Variants in PDS5A observed in about 807,000 individuals in gnomAD.
PDS5A encodes sister chromatid cohesion protein PDS5 homolog A.
Under a neutral mutation model 167.1 loss-of-function variants are expected in PDS5A, and 42 were observed. The observed-to-expected ratio is 0.25, with a 90% CI of 0.20 to 0.33. The LOEUF (loss-of-function observed/expected upper bound fraction) is 0.33, where lower values mean the gene tolerates loss of function less well. PDS5A is among the 10% of genes least tolerant of loss of function. PDS5A has a pLI of 1.00. For synonymous variants in PDS5A, 553 were observed against 554.6 expected (o/e 1.00, Z 0.04); for missense variants, 1,033 against 1,605.9 (o/e 0.64, Z 6.10).
chr4:39,898,312 A>G, intron 16 of PDS5A, 77 bp downstream of exon 16: 1 of 1,439,926 alleles, frequency 6.9e-7, no homozygotes, highest in Non-Finnish European at 9.2e-7. Context: ...AAATCACTGT[A>G]TGTAAAACAG....
chr4:39,826,459 A>G (rs1328334738), intron 32 of PDS5A, among the ~76,000 whole-genome samples: 1 of 111,414 alleles, frequency 9.0e-6, no homozygotes, highest in African/African-American at 3.1e-5. Context: ...CAACTTGCCT[A>G]ATTCATTCCA....
chr4:39,852,226 C>T (rs530359746), intron 26 of PDS5A, among the ~76,000 whole-genome samples: 2 of 151,924 alleles, frequency 1.3e-5, no homozygotes, highest in South Asian at 2.1e-4. Context: ...AAACAGGATA[C>T]AAAACAATAC....
At chr4:39,923,077 C>T (rs1233036690) in intron 5 of PDS5A, among the ~76,000 whole-genome samples, 1 of 151,636 alleles carries the variant, frequency 6.6e-6, no homozygotes, top group Non-Finnish European at 1.5e-5. Flanking sequence ...ACCTGTAATC[C>T]CAGCACTTTG....
intron 26 of PDS5A, among the ~76,000 whole-genome samples, chr4:39,854,180 G>C (rs536437663): frequency 3.9e-5 from 6 of 152,170 alleles, no homozygotes; most frequent in Non-Finnish European, 8.8e-5. Context: ...GTGCATGCCT[G>C]TAGTCCCAGC....
chr4:39,875,750 T>C (rs1720409128), intron 19 of PDS5A, among the ~76,000 whole-genome samples: 1 of 152,178 alleles, frequency 6.6e-6, no homozygotes, highest in Non-Finnish European at 1.5e-5. Context: ...GAAGATGTCT[T>C]TCCTCTCTCC....
chr4:39,854,247 G>C (rs896223821), intron 26 of PDS5A, among the ~76,000 whole-genome samples: 1 of 152,164 alleles, frequency 6.6e-6, no homozygotes, highest in African/African-American at 2.4e-5. Context: ...AGGTTGCAAT[G>C]AGCCAAGATC....
At chr4:39,913,429 A>T (rs1283635780) in intron 9 of PDS5A, among the ~76,000 whole-genome samples, 182 bp downstream of exon 9, 1 of 152,208 alleles carries the variant, frequency 6.6e-6, no homozygotes, top group Non-Finnish European at 1.5e-5. Context: ...CAGATAAAAT[A>T]CTAAGCTTTC....
At chr4:39,843,718 A>G (rs1279721736) in intron 30 of PDS5A, among the ~76,000 whole-genome samples, 1 of 151,910 alleles carries the variant, frequency 6.6e-6, no homozygotes, top group African/African-American at 2.4e-5. Flanking sequence ...AAATATTAAA[A>G]ATAAGTATTT....
At chr4:39,853,971 G>T (rs139075479) in intron 26 of PDS5A, among the ~76,000 whole-genome samples, 4 of 152,318 alleles carry the variant, frequency 2.6e-5, no homozygotes, top group Middle Eastern at 3.4e-3. Context: ...CGTATTAGCT[G>T]TGTGACTTTA....
chr4:39,843,587 C>T (rs1237337449), intron 30 of PDS5A, among the ~76,000 whole-genome samples: 1 of 151,988 alleles, frequency 6.6e-6, no homozygotes, highest in African/African-American at 2.4e-5. Context: ...TGGCGTGTGC[C>T]TGTAAGCTCA....
At chr4:39,933,449 A>G (rs556761461) in intron 2 of PDS5A, 1 of 152,302 alleles carries the variant, frequency 6.6e-6, no homozygotes, top group East Asian at 1.9e-4. Context: ...AAAATAAAAT[A>G]AAAGTTAAAG....
intron 2 of PDS5A, among the ~76,000 whole-genome samples, chr4:39,972,015 C>T (rs1350641711): frequency 6.6e-6 from 1 of 152,034 alleles, no homozygotes; most frequent in African/African-American, 2.4e-5. Flanking sequence ...TTTCAGAAAA[C>T]ATTTTGGCAG....
At chr4:39,965,758 A>C (rs1277575211) in intron 2 of PDS5A, among the ~76,000 whole-genome samples, 1 of 152,154 alleles carries the variant, frequency 6.6e-6, no homozygotes, top group Non-Finnish European at 1.5e-5. Context: ...CAAAAAGCAG[A>C]ATGGTTGTTG....
At position 39,890,381 on chromosome 4, in the gene PDS5A, G is replaced by A. The variant is rs765294850; in HGVS notation, c.1771-17C>T. 4.5e-6 allele frequency: 6 copies of A among 1,345,038 alleles called. No homozygotes were observed. Among genetic ancestry groups the A allele is most frequent in the Non-Finnish European group, 4.1e-6 (4 of 965,358 alleles). The allele number at this position is 1,345,038 out of a possible 1,614,324, so 83.3% of individuals were successfully genotyped here. On this transcript the variant is annotated splice_polypyrimidine_tract_variant and intron_variant, in intron 16 of 32. Coordinates refer to ENST00000303538, the MANE Select transcript of PDS5A (RefSeq NM_001100399.2). Reference sequence around the variant, plus strand: ...TATTTCTCTCTATAGAAAGAAAGGAGTTTTACCAAAAACGTGATTTGCTTT... The same window carrying A: ...TATTTCTCTCTATAGAAAGAAAGGAATTTTACCAAAAACGTGATTTGCTTT...
At chr4:39,911,389 C>T (rs1290182979) in intron 9 of PDS5A, among the ~76,000 whole-genome samples, 1 of 133,914 alleles carries the variant, frequency 7.5e-6, no homozygotes, top group African/African-American at 2.5e-5. Flanking sequence ...AAGTAAGACT[C>T]CGTCTCAAAA....
At chr4:39,874,496 A>C in intron 19 of PDS5A, 84 bp from the exon 20 acceptor site, 2 of 1,080,286 alleles carry the variant, frequency 1.9e-6, no homozygotes, top group Non-Finnish European at 2.8e-6. Flanking sequence ...CTTCCCCTAT[A>C]TGGATGGATG....
chr4:39,848,391 C>T (rs1309565888), intron 28 of PDS5A: 3 of 158,586 alleles, frequency 1.9e-5, no homozygotes, highest in East Asian at 3.8e-4. Flanking sequence ...ATTAATAACA[C>T]CATTTATTGA....
At chr4:39,966,948 A>AT (rs200337731) in intron 2 of PDS5A, among the ~76,000 whole-genome samples, 3,734 of 151,740 alleles carry the variant, frequency 0.025, 59 homozygotes, top group Non-Finnish European at 0.038. Flanking sequence ...GTGAGCTGAG[A>AT]TTTTGCCACT....
chr4:39,895,334 T>C (rs541234863), intron 16 of PDS5A, among the ~76,000 whole-genome samples: 2 of 152,268 alleles, frequency 1.3e-5, no homozygotes, highest in South Asian at 2.1e-4. Flanking sequence ...AGCATGTTAC[T>C]ATGCTAAATA....
Sources: gnomAD v4.1 joint callset for allele counts (sites outside exome capture counted in the v4.1 genomes callset) on GRCh38, gnomAD v4.1.1 for gene constraint, MANE v1.5 for transcripts, NCBI Gene and HGNC (gene_info 2026-07-23, HGNC 2026-07-21) for gene names.